The following NKAIN2 variants were observed in gnomAD, a reference collection of about 807,000 sequenced individuals.
The protein encoded by NKAIN2 is sodium/potassium-transporting ATPase subunit beta-1-interacting protein 2.
NKAIN2 carries 14 observed loss-of-function variants against 32.6 expected under a neutral mutation model. The ratio of observed to expected loss-of-function variants is 0.43; its 90% confidence interval spans 0.28 to 0.67. The LOEUF is 0.67. NKAIN2 is among the 30% of genes least tolerant of loss of function. The pLI, the probability that NKAIN2 is intolerant of heterozygous loss-of-function variation, is 0.17. For missense variants in NKAIN2, 198 were observed against 258.3 expected (o/e 0.77, Z 1.60); for synonymous variants, 80 against 87.2 (o/e 0.92, Z 0.46).
At chr6:124,314,710 C>G (rs1455115051) in intron 2 of NKAIN2, among the ~76,000 whole-genome samples, 1 of 152,200 alleles carries the variant, frequency 6.6e-6, no homozygotes, top group Non-Finnish European at 1.5e-5. Flanking sequence ...AGGAAGTTCT[C>G]TTAGGACAAG....
At chr6:124,669,904 C>T (rs1047548652) in intron 4 of NKAIN2, among the ~76,000 whole-genome samples, 8 of 152,010 alleles carry the variant, frequency 5.3e-5, no homozygotes, top group South Asian at 2.1e-4. Flanking sequence ...ACTGCTCCCC[C>T]TCTCAAGTCT....
intron 3 of NKAIN2, among the ~76,000 whole-genome samples, chr6:124,509,430 A>G (rs1778624882): frequency 6.6e-6 from 1 of 152,212 alleles, no homozygotes; most frequent in Admixed American, 6.5e-5. Context: ...TTCTTCTATC[A>G]GTATTAGTAA....
At chr6:124,131,261 C>G (rs1436417015) in intron 1 of NKAIN2, among the ~76,000 whole-genome samples, 1 of 152,154 alleles carries the variant, frequency 6.6e-6, no homozygotes, top group Non-Finnish European at 1.5e-5. Flanking sequence ...CCTCCTGCCT[C>G]AGCCTCCTCA....
chr6:124,760,178 C>T (rs1385772916), intron 4 of NKAIN2, among the ~76,000 whole-genome samples: 1 of 152,026 alleles, frequency 6.6e-6, no homozygotes, highest in Admixed American at 6.6e-5. Flanking sequence ...CATGTTCTCA[C>T]TTCTAAGTGG....
At chr6:123,985,733 A>G (rs1344408115) in intron 1 of NKAIN2, among the ~76,000 whole-genome samples, 1 of 152,170 alleles carries the variant, frequency 6.6e-6, no homozygotes, top group African/African-American at 2.4e-5. Context: ...TTTGGTTTCA[A>G]TTGAGGGTGC....
At chr6:124,370,294 G>A (rs185848139) in intron 3 of NKAIN2, among the ~76,000 whole-genome samples, 1 of 151,726 alleles carries the variant, frequency 6.6e-6, no homozygotes, top group East Asian at 1.9e-4. Context: ...GTAGCACTTA[G>A]AGTGTCACTT....
At chr6:124,349,327 A>G (rs749222143) in intron 2 of NKAIN2, among the ~76,000 whole-genome samples, 1 of 151,800 alleles carries the variant, frequency 6.6e-6, no homozygotes, top group Non-Finnish European at 1.5e-5. Context: ...CCGAGGCTCC[A>G]CCCCATTCTC....
chr6:123,955,275 A>G (rs1777520389), intron 1 of NKAIN2, among the ~76,000 whole-genome samples: 1 of 151,812 alleles, frequency 6.6e-6, no homozygotes, highest in Non-Finnish European at 1.5e-5. Flanking sequence ...TATAGAACCA[A>G]TTGTAGGAAT....
chr6:124,413,403 T>C (rs1774308501), intron 3 of NKAIN2, among the ~76,000 whole-genome samples: 1 of 152,232 alleles, frequency 6.6e-6, no homozygotes, highest in African/African-American at 2.4e-5. Flanking sequence ...TATGTGTAGG[T>C]CTATTTGATC....
intron 1 of NKAIN2, among the ~76,000 whole-genome samples, chr6:123,883,119 C>T (rs1773526873): frequency 6.6e-6 from 1 of 151,982 alleles, no homozygotes; most frequent in Non-Finnish European, 1.5e-5. Flanking sequence ...TTGATTTCTC[C>T]TTTGCTGTTC....
intron 4 of NKAIN2, among the ~76,000 whole-genome samples, chr6:124,760,521 ATCTT>A (rs1419797640): frequency 6.6e-6 from 1 of 151,868 alleles, no homozygotes; most frequent in Non-Finnish European, 1.5e-5. Context: ...TTCCAGAACA[ATCTT>A]TCCTCAGTCC....
chr6:123,839,091 AG>A (rs1249096807), intron 1 of NKAIN2, among the ~76,000 whole-genome samples: 2 of 152,270 alleles, frequency 1.3e-5, no homozygotes, highest in East Asian at 3.9e-4. Flanking sequence ...TATGCTGCTT[AG>A]GGGGAGAGGG....
chr6:124,717,360 G>T (rs950264924), intron 4 of NKAIN2, among the ~76,000 whole-genome samples: 1 of 152,052 alleles, frequency 6.6e-6, no homozygotes, highest in Non-Finnish European at 1.5e-5. Flanking sequence ...CAAATAAATT[G>T]CACAACAATT....
intron 1 of NKAIN2, among the ~76,000 whole-genome samples, chr6:124,050,060 G>A (rs1782333218): frequency 6.6e-6 from 1 of 151,952 alleles, no homozygotes. Context: ...TAGTATATAT[G>A]GGGTTTGTAT....
intron 3 of NKAIN2, among the ~76,000 whole-genome samples, chr6:124,525,976 C>T (rs1382232352): frequency 1.3e-5 from 2 of 152,066 alleles, no homozygotes; most frequent in Non-Finnish European, 2.9e-5. Flanking sequence ...ATGTTTACAG[C>T]GTGCAGAGAT....
At chr6:123,839,893 A>G (rs772027525) in intron 1 of NKAIN2, among the ~76,000 whole-genome samples, 2 of 152,158 alleles carry the variant, frequency 1.3e-5, no homozygotes, top group African/African-American at 4.8e-5. Flanking sequence ...ACATGCTTCA[A>G]ATGTCAAGAA....
At chr6:124,441,384 A>T (rs1007036902) in intron 3 of NKAIN2, among the ~76,000 whole-genome samples, 1 of 152,088 alleles carries the variant, frequency 6.6e-6, no homozygotes, top group African/African-American at 2.4e-5. Context: ...ACTTTAATAT[A>T]CTTTCTCTTG....
chr6:124,259,255 G>A (rs1201414118), intron 1 of NKAIN2, among the ~76,000 whole-genome samples: 1 of 152,088 alleles, frequency 6.6e-6, no homozygotes, highest in Non-Finnish European at 1.5e-5. Context: ...TTTATATGGT[G>A]GGGAAAGAAT....
chr6:124,275,471 T>C (rs1794988083), intron 1 of NKAIN2, among the ~76,000 whole-genome samples: 1 of 152,160 alleles, frequency 6.6e-6, no homozygotes, highest in South Asian at 2.1e-4. Flanking sequence ...TTTATTGTGA[T>C]GAACTATGTG....
Sources: gnomAD v4.1 joint callset for allele counts (sites outside exome capture counted in the v4.1 genomes callset) on GRCh38, gnomAD v4.1.1 for gene constraint, MANE v1.5 for transcripts, NCBI Gene and HGNC (gene_info 2026-07-23, HGNC 2026-07-21) for gene names.